CRYBA4: variants seen among roughly 807,000 people sequenced by gnomAD.
CRYBA4 encodes the protein crystallin beta A4, also known as beta-crystallin A4.
Under a neutral mutation model 31.7 loss-of-function variants are expected in CRYBA4, and 30 were observed. The observed-to-expected ratio is 0.95, with a 90% CI of 0.71 to 1.28. CRYBA4 has a LOEUF of 1.28. CRYBA4 is among the 50% of genes most tolerant of loss of function. The probability of loss-of-function intolerance (pLI) is 0.00; values close to 1 mark genes in which losing one functional copy is unlikely to be tolerated. For synonymous variants in CRYBA4, 102 were observed against 102.3 expected (o/e 1.00, Z 0.02); for missense variants, 225 against 260.7 (o/e 0.86, Z 0.94).
chr22:26,628,968 A>G (rs1296182499), intron 5 of CRYBA4, among the ~76,000 whole-genome samples: 1 of 152,198 alleles, frequency 6.6e-6, no homozygotes, highest in Non-Finnish European at 1.5e-5. Context: ...TGCTAGATTC[A>G]GCCTCATTTT....
the CRYBA4 span, among the ~76,000 whole-genome samples, chr22:26,599,858 G>A: frequency 1.3e-4 from 20 of 152,282 alleles, no homozygotes; most frequent in African/African-American, 4.6e-4. Context: ...GATAGGCCTC[G>A]GTTTCCTTTT....
the CRYBA4 span, among the ~76,000 whole-genome samples, chr22:26,604,887 G>A: frequency 6.6e-5 from 10 of 152,302 alleles, no homozygotes; most frequent in South Asian, 1.9e-3. Context: ...TGCTAGAGGG[G>A]TCAAGACTGA....
At chr22:26,613,491 A>G in the CRYBA4 span, among the ~76,000 whole-genome samples, 1 of 152,190 alleles carries the variant, frequency 6.6e-6, no homozygotes, top group Non-Finnish European at 1.5e-5. Flanking sequence ...TAGTTCCCCA[A>G]ATTAATACTT....
At chr22:26,630,290 A>C (rs1422549380) in intron 5 of CRYBA4, 50 bp from the exon 6 acceptor site, 47 of 1,612,256 alleles carry the variant, frequency 2.9e-5, no homozygotes, top group African/African-American at 5.3e-5. Flanking sequence ...TGTGTTGATC[A>C]CCATGCTGGT....
In CRYBA4 at chr22:26,625,625, A is replaced by G. The variant is rs56117601; in HGVS notation, c.300+3A>G. On this transcript the variant is annotated splice_donor_region_variant and intron_variant, in intron 4 of 5. Coordinates refer to ENST00000354760, the MANE Select transcript of CRYBA4 (RefSeq NM_001886.3). ...CCTTCCGGCCTGCGGCCTGTGCTGT[A>G]AGTTCTACCACTGCTGCATCCCGGG... 0.049 allele frequency: 78,791 copies of G among 1,613,254 alleles called. 2,420 individuals are homozygous for G. The highest frequency in any genetic ancestry group is 0.11 in the Middle Eastern group (643 of 6,052).
At chr22:26,597,616 C>A in the CRYBA4 span, among the ~76,000 whole-genome samples, 1 of 152,172 alleles carries the variant, frequency 6.6e-6, no homozygotes, top group Non-Finnish European at 1.5e-5. Context: ...TCCATAGCAA[C>A]CCCGACACCC....
chr22:26,596,303 A>G, the CRYBA4 span, among the ~76,000 whole-genome samples: 2 of 151,552 alleles, frequency 1.3e-5, no homozygotes, highest in South Asian at 4.2e-4. Context: ...CACCATGTTG[A>G]CCAGGCTGGT....
the CRYBA4 span, among the ~76,000 whole-genome samples, chr22:26,613,891 A>G: frequency 2.0e-5 from 3 of 152,188 alleles, no homozygotes; most frequent in Admixed American, 6.5e-5. Context: ...TCAGCATGGA[A>G]CATCCCTGAG....
the CRYBA4 span, among the ~76,000 whole-genome samples, chr22:26,593,761 A>G: frequency 1.3e-5 from 2 of 152,156 alleles, no homozygotes; most frequent in East Asian, 1.9e-4. Context: ...CCTGACCTCA[A>G]GTGATCCACC....
At chr22:26,622,661 G>A in intron 2 of CRYBA4, 26 bp downstream of exon 2, 1 of 1,291,310 alleles carries the variant, frequency 7.7e-7, no homozygotes, top group Non-Finnish European at 1.1e-6. Flanking sequence ...GGGAGGGGGT[G>A]TTCAGGGGGT....
chr22:26,590,944 A>C, the CRYBA4 span, among the ~76,000 whole-genome samples: 2 of 152,238 alleles, frequency 1.3e-5, no homozygotes, highest in Admixed American at 6.5e-5. Flanking sequence ...AGAGCTATCT[A>C]TGCATCGTAT....
At chr22:26,605,610 GT>G in the CRYBA4 span, among the ~76,000 whole-genome samples, 1 of 145,960 alleles carries the variant, frequency 6.9e-6, no homozygotes, top group African/African-American at 2.5e-5. Context: ...GGAGGTGAAG[GT>G]TGCAGTGAGC....
chr22:26,624,771 G>C lies in CRYBA4; in HGVS notation c.159-710G>C, dbSNP rs1354750577. Among the ~76,000 whole-genome samples the C allele has an allele frequency of 9.9e-5, 15 of 152,270 alleles. No homozygotes were observed. In the East Asian group the frequency reaches 2.7e-3, roughly 27 times the overall value. On this transcript the variant is annotated intron_variant, in intron 3 of 5. Coordinates refer to ENST00000354760, the MANE Select transcript of CRYBA4 (RefSeq NM_001886.3). ...TCCTGTGTCCCTTGTCCTACTGGAC[G>C]ACACCAAAACAAAGGGGGCTGAATG...
At chr22:26,602,438 T>A in the CRYBA4 span, among the ~76,000 whole-genome samples, 1 of 151,742 alleles carries the variant, frequency 6.6e-6, no homozygotes, top group Non-Finnish European at 1.5e-5. Context: ...AATTTTTTTT[T>A]TAATTTGCCA....
Position 26,630,483 on chromosome 22 carries a change from A to C in CRYBA4, c.587A>C (p.Gln196Pro). ...GTGCAGAGCATCCGCAGGATCCAGCAGTGAACAGGGGTGCGGCACGGAGGA... is the reference window on the plus strand; with the variant it reads ...GTGCAGAGCATCCGCAGGATCCAGCCGTGAACAGGGGTGCGGCACGGAGGA... Reference protein sequence around the residue: ...FQVQSIRRIQQ With the variant: ...FQVQSIRRIQP The change falls in exon 6 of 6, where the codon CAG (glutamine) becomes CCG (proline). Residue 196 changes from glutamine to proline, a missense_variant. By Grantham distance (76) the Gln-to-Pro change is moderately conservative (BLOSUM62 -1). Transcript: ENST00000354760. 1 of 1,613,548 alleles carries C rather than the reference A, an allele frequency of 6.2e-7. No homozygotes were observed. Among genetic ancestry groups the C allele is most frequent in the Non-Finnish European group, 8.5e-7 (1 of 1,179,950 alleles).
At chr22:26,612,078 G>T in the CRYBA4 span, 142 of 1,611,420 alleles carry the variant, frequency 8.8e-5, 2 homozygotes, top group South Asian at 1.5e-3. Context: ...TCACGGTCCC[G>T]CGGAGACAAT....
chr22:26,623,375 T>A (rs891246913), intron 3 of CRYBA4, 23 bp downstream of exon 3: 5 of 1,587,076 alleles, frequency 3.2e-6, no homozygotes, highest in Non-Finnish European at 4.3e-6. Context: ...GGACACTGAG[T>A]TGGGGTAGAG....
At chr22:26,625,389 T>G in intron 3 of CRYBA4, 92 bp from the exon 4 acceptor site, 1 of 1,433,868 alleles carries the variant, frequency 7.0e-7, no homozygotes. Flanking sequence ...CCTGAATGGT[T>G]GTGACTGTGA....
chr22:26,607,870 C>T, the CRYBA4 span: 7 of 1,614,106 alleles, frequency 4.3e-6, no homozygotes, highest in African/African-American at 6.7e-5. Context: ...TCTCCAGCCC[C>T]AGCCGGAGAG....
Sources: gnomAD v4.1 joint callset for allele counts (sites outside exome capture counted in the v4.1 genomes callset) on GRCh38, gnomAD v4.1.1 for gene constraint, MANE v1.5 for transcripts, NCBI Gene and HGNC (gene_info 2026-07-23, HGNC 2026-07-21) for gene names.